The following CFAP77 variants were observed in gnomAD, a reference collection of about 807,000 sequenced individuals.
The protein encoded by CFAP77 is cilia- and flagella-associated protein 77.
In CFAP77, 25 loss-of-function variants were observed where a neutral mutation model predicts 31.1. The observed-to-expected ratio is 0.80, with a 90% CI of 0.59 to 1.12. The LOEUF is 1.12. Among genes scored for constraint, CFAP77 ranks in the 50% most tolerant of loss-of-function variants. The probability of loss-of-function intolerance (pLI) is 0.00; values close to 1 mark genes in which losing one functional copy is unlikely to be tolerated. For synonymous variants in CFAP77, 151 were observed against 159.9 expected, an observed-to-expected ratio of 0.94 and a Z score of 0.42; for missense variants, 377 against 397.3, an observed-to-expected ratio of 0.95 and a Z score of 0.44.
chr9:132,415,265 C>T (rs1224577960), intron 1 of CFAP77, among the ~76,000 whole-genome samples: 1 of 152,156 alleles, frequency 6.6e-6, no homozygotes, highest in Admixed American at 6.5e-5. Context: ...CTCTCTCCCT[C>T]GTGGCCCTTT....
At chr9:132,473,319 G>T (rs1851291761) in intron 1 of CFAP77, among the ~76,000 whole-genome samples, 1 of 152,182 alleles carries the variant, frequency 6.6e-6, no homozygotes, top group Non-Finnish European at 1.5e-5. Context: ...GGGCACTGTG[G>T]TATGGGTGCC....
intron 3 of CFAP77, among the ~76,000 whole-genome samples, chr9:132,519,933 T>G (rs1394113935): frequency 6.6e-6 from 1 of 151,032 alleles, no homozygotes; most frequent in Non-Finnish European, 1.5e-5. Context: ...GATGGATGGA[T>G]GAACGGGTGG....
At chr9:132,557,916 A>G (rs550976746) in intron 5 of CFAP77, among the ~76,000 whole-genome samples, 1 of 152,282 alleles carries the variant, frequency 6.6e-6, no homozygotes, top group African/African-American at 2.4e-5. Context: ...GTTTATAAGC[A>G]TCACTGATAC....
intron 1 of CFAP77, among the ~76,000 whole-genome samples, chr9:132,445,633 C>T (rs1015761133): frequency 2.6e-5 from 4 of 151,788 alleles, no homozygotes; most frequent in African/African-American, 4.8e-5. Context: ...TTTAGGAGGC[C>T]GAGGCAGGCA....
Position 132,572,507 on chromosome 9 carries a change from C to A in CFAP77, c.852C>A (p.Pro284=). 6.2e-7 allele frequency: 1 copy of A among 1,603,958 alleles called. No individual in the cohort carries two copies. The highest frequency in any genetic ancestry group is 8.5e-7 in the Non-Finnish European group (1 of 1,179,014). Residue 284 remains proline, a synonymous_variant, in exon 6 of 6, where the codon CCC becomes CCA. Transcript: ENST00000393216. ...GTLRMGNYTH[P] Reference sequence around the variant, plus strand: ...TGCGGATGGGCAACTACACCCACCCCTAGCCCCTCCCTCCCCTGCCACAAG... The same window carrying A: ...TGCGGATGGGCAACTACACCCACCCATAGCCCCTCCCTCCCCTGCCACAAG...
intron 3 of CFAP77, among the ~76,000 whole-genome samples, chr9:132,512,851 G>T (rs10901180): frequency 0.24 from 35,978 of 152,142 alleles, 4,624 homozygotes; most frequent in East Asian, 0.46. Flanking sequence ...GGAGGCTGAG[G>T]CAGGAGAATC....
At chr9:132,568,714 T>A (rs1418565114) in intron 5 of CFAP77, among the ~76,000 whole-genome samples, 3 of 152,142 alleles carry the variant, frequency 2.0e-5, no homozygotes, top group Non-Finnish European at 1.5e-5. Context: ...GGAATAGATT[T>A]TTTTTTGGAG....
At chr9:132,506,780 A>G (rs1369304898) in intron 3 of CFAP77, among the ~76,000 whole-genome samples, 5 of 152,144 alleles carry the variant, frequency 3.3e-5, no homozygotes, top group Non-Finnish European at 5.9e-5. Context: ...AGTTAGCTCA[A>G]GTGAGTACAA....
chr9:132,417,557 GT>G (rs1850125930), intron 1 of CFAP77, among the ~76,000 whole-genome samples: 1 of 152,214 alleles, frequency 6.6e-6, no homozygotes, highest in Admixed American at 6.5e-5. Context: ...CCTAGAGTGA[GT>G]TCTGTCTCAG....
chr9:132,451,359 A>G (rs1171548661), intron 1 of CFAP77, among the ~76,000 whole-genome samples: 2 of 150,594 alleles, frequency 1.3e-5, no homozygotes, highest in Non-Finnish European at 3.0e-5. Flanking sequence ...AAAAAAAAAG[A>G]AAGATCATGA....
intron 1 of CFAP77, among the ~76,000 whole-genome samples, chr9:132,492,318 AAACAACAAC>A (rs756852186): frequency 6.6e-6 from 1 of 152,092 alleles, no homozygotes; most frequent in Admixed American, 6.5e-5. Flanking sequence ...ACAAAAAACA[AAACAACAAC>A]AACAAAAACA....
chr9:132,553,899 A>G (rs543469098), intron 5 of CFAP77, among the ~76,000 whole-genome samples: 5 of 152,374 alleles, frequency 3.3e-5, no homozygotes, highest in Admixed American at 1.3e-4. Flanking sequence ...AACCTCCGTG[A>G]AAATTCCCTG....
chr9:132,482,282 TC>T, intron 1 of CFAP77: 1 of 1,545,330 alleles, frequency 6.5e-7, no homozygotes, highest in Non-Finnish European at 8.9e-7. Flanking sequence ...GACCAAATGA[TC>T]AAGTGGACTC....
At chr9:132,494,473 AT>A (rs1391370152) in intron 1 of CFAP77, among the ~76,000 whole-genome samples, 1 of 152,124 alleles carries the variant, frequency 6.6e-6, no homozygotes, top group Non-Finnish European at 1.5e-5. Context: ...TATGTCACAA[AT>A]TTTTTATCCA....
chr9:132,458,357 G>GGGGGGGGGT lies in CFAP77; in HGVS notation c.196-40337_196-40336insGGGGGGGTG, dbSNP rs139008147. Among the ~76,000 whole-genome samples, 51 of 118,976 alleles carry GGGGGGGGGT rather than the reference G, an allele frequency of 4.3e-4. 1 individual carries two copies. Among genetic ancestry groups the GGGGGGGGGT allele is most frequent in the Non-Finnish European group, 5.7e-4 (33 of 57,882 alleles). 78.1% of individuals were successfully genotyped at this position (118,976 alleles called of 152,430 possible). A position where few individuals can be genotyped will look rare whatever the true frequency, so the allele number is the denominator to read the frequency against. ...GTCTCCCTGGCGGGGGAGGGGGGGG[G>GGGGGGGGGT]GTGTGTATGGAAGGCTCAGCTCATC... On this transcript the variant is annotated intron_variant, in intron 1 of 5. Coordinates refer to ENST00000393216, the MANE Select transcript of CFAP77 (RefSeq NM_001282957.2).
chr9:132,457,368 A>C (rs1165151046), intron 1 of CFAP77, among the ~76,000 whole-genome samples: 2 of 152,164 alleles, frequency 1.3e-5, no homozygotes, highest in African/African-American at 2.4e-5. Context: ...TTCTCTGATA[A>C]AAGTGCAGCG....
intron 5 of CFAP77, among the ~76,000 whole-genome samples, chr9:132,566,151 T>C (rs1166932459): frequency 2.0e-5 from 3 of 152,036 alleles, no homozygotes; most frequent in Admixed American, 1.3e-4. Flanking sequence ...AGGCTCCTCA[T>C]GTGTGGCTGG....
intron 1 of CFAP77, among the ~76,000 whole-genome samples, chr9:132,451,400 C>T (rs1243706605): frequency 6.6e-6 from 1 of 150,646 alleles, no homozygotes; most frequent in Non-Finnish European, 1.5e-5. Context: ...CTGCCACAAA[C>T]AGTGGTCTTT....
At chr9:132,506,050 G>T (rs1851925827) in intron 3 of CFAP77, among the ~76,000 whole-genome samples, 1 of 152,206 alleles carries the variant, frequency 6.6e-6, no homozygotes, top group Admixed American at 6.5e-5. Flanking sequence ...GGAAAGGGAG[G>T]GCAAGGGCCC....
Sources: allele counts gnomAD v4.1 joint callset (sites outside exome capture counted in the v4.1 genomes callset), GRCh38; gene constraint gnomAD v4.1.1; transcripts MANE v1.5; gene names NCBI Gene and HGNC (gene_info 2026-07-23, HGNC 2026-07-21).